The following OCA2 variants were observed in gnomAD, a reference collection of about 807,000 sequenced individuals.
OCA2 encodes the protein P protein.
OCA2 carries 77 observed loss-of-function variants against 100.2 expected under a neutral mutation model. The observed-to-expected ratio is 0.77, with a 90% CI of 0.64 to 0.93. The LOEUF is 0.93. OCA2 is among the 40% of genes least tolerant of loss of function. OCA2 has a pLI of 0.00. For synonymous variants in OCA2, 432 were observed against 439.2 expected (o/e 0.98, Z 0.21); for missense variants, 1,062 against 1,089.1 (o/e 0.98, Z 0.35).
chr15:27,731,951 T>C, the OCA2 span, among the ~76,000 whole-genome samples: 1 of 152,236 alleles, frequency 6.6e-6, no homozygotes, highest in Admixed American at 6.5e-5. Flanking sequence ...TTAATCACTT[T>C]TGGCTCAGCT....
intron 1 of OCA2, among the ~76,000 whole-genome samples, chr15:28,082,199 G>A (rs2044659312): frequency 6.6e-6 from 1 of 152,118 alleles, no homozygotes; most frequent in Non-Finnish European, 1.5e-5. Flanking sequence ...GGACCAATCA[G>A]CACTCTGTAC....
At chr15:27,741,579 C>G in the OCA2 span, among the ~76,000 whole-genome samples, 2 of 152,106 alleles carry the variant, frequency 1.3e-5, no homozygotes, top group Non-Finnish European at 2.9e-5. Flanking sequence ...AATGTTTTGT[C>G]CAGATTGAGG....
intron 21 of OCA2, among the ~76,000 whole-genome samples, chr15:27,870,363 C>T (rs1045935363): frequency 1.3e-5 from 2 of 152,204 alleles, no homozygotes; most frequent in African/African-American, 4.8e-5. Flanking sequence ...TGTGAGAGGA[C>T]CCCAGAGACT....
chr15:27,870,675 GGAAGGAAA>G (rs1445272332), intron 21 of OCA2, among the ~76,000 whole-genome samples: 467 of 18,168 alleles, frequency 0.026, 5 homozygotes, highest in African/African-American at 0.061. Context: ...AAGGAAGGAA[GGAAGGAAA>G]GAAGGAAGGA....
In OCA2 at chr15:27,755,408, C is replaced by T. The variant is rs200396611; in HGVS notation, c.2497G>A (p.Val833Met). Residue 833 changes from valine (V) to methionine (M), a missense_variant, in exon 24 of 24, where the codon GTG (valine) becomes ATG (methionine). Val to Met is a conservative substitution (Grantham distance 21). Coordinates refer to ENST00000354638, the MANE Select transcript of OCA2 (RefSeq NM_000275.3). ...VGMCYLLVAHVVVGWN is the reference protein window; with the variant it reads ...VGMCYLLVAHMVVGWN ...GTCTATTAATTCCATCCCACCACCA[C>T]ATGAGCCACAAGGAGATAACACATC... 6.9e-5 allele frequency: 112 copies of T among 1,613,480 alleles called. 1 individual carries two copies. The highest frequency in any genetic ancestry group is 1.6e-4 in the Middle Eastern group (1 of 6,084).
chr15:27,949,082 A>G (rs866838688), intron 18 of OCA2, among the ~76,000 whole-genome samples: 4 of 150,524 alleles, frequency 2.7e-5, no homozygotes, highest in Admixed American at 1.3e-4. Flanking sequence ...TTGCTCTATG[A>G]TAATAAAAAA....
rs201838888 is a variant in OCA2, at chr15:28,029,003, GA to G, written c.327-945del. 5.3e-3 allele frequency among the ~76,000 whole-genome samples: 813 copies of G among 152,260 alleles called. 2 individuals carry two copies. Among genetic ancestry groups the G allele is most frequent in the Non-Finnish European group, 7.9e-3 (536 of 68,016 alleles). On this transcript the variant is annotated intron_variant, in intron 3 of 23. Coordinates refer to ENST00000354638, the MANE Select transcript of OCA2 (RefSeq NM_000275.3). ...ACAGAGCCTCCATTTACTTTTGGTT[GA>G]ATCCCTGACCTGATCAGTTCCTTCA...
At chr15:28,081,023 C>G (rs185331523) in intron 2 of OCA2, among the ~76,000 whole-genome samples, 1 of 152,080 alleles carries the variant, frequency 6.6e-6, no homozygotes, top group Non-Finnish European at 1.5e-5. Context: ...CATATTCTCA[C>G]GACAAGTGGG....
intron 2 of OCA2, among the ~76,000 whole-genome samples, chr15:28,039,446 C>A (rs1018469606): frequency 6.6e-6 from 1 of 152,156 alleles, no homozygotes; most frequent in Non-Finnish European, 1.5e-5. Context: ...TACAAAGTAT[C>A]TTTTCCAATC....
At chr15:27,882,197 A>T (rs750404228) in intron 19 of OCA2, among the ~76,000 whole-genome samples, 1 of 152,048 alleles carries the variant, frequency 6.6e-6, no homozygotes, top group Non-Finnish European at 1.5e-5. Flanking sequence ...CTTCAGTGAA[A>T]CTCCAATTTT....
chr15:27,921,662 G>A (rs892928733), intron 19 of OCA2, among the ~76,000 whole-genome samples: 1 of 152,170 alleles, frequency 6.6e-6, no homozygotes, highest in African/African-American at 2.4e-5. Flanking sequence ...TATTGACTGG[G>A]AGCCTTACCA....
intron 16 of OCA2, among the ~76,000 whole-genome samples, chr15:27,955,681 A>G (rs1456445279): frequency 2.0e-5 from 3 of 151,498 alleles, no homozygotes; most frequent in Admixed American, 6.6e-5. Flanking sequence ...TTTTTTATCA[A>G]TCGATGATCA....
chr15:27,743,709 C>G, the OCA2 span, among the ~76,000 whole-genome samples: 6 of 152,194 alleles, frequency 3.9e-5, no homozygotes, highest in Non-Finnish European at 8.8e-5. Flanking sequence ...GGGTTTCGAT[C>G]AAATATCCTT....
chr15:27,745,489 G>T, the OCA2 span, among the ~76,000 whole-genome samples: 1 of 152,138 alleles, frequency 6.6e-6, no homozygotes, highest in Non-Finnish European at 1.5e-5. Flanking sequence ...ACCTCTAGCG[G>T]CTAGAAATAC....
the OCA2 span, among the ~76,000 whole-genome samples, chr15:27,741,038 A>G: frequency 6.6e-6 from 1 of 152,372 alleles, no homozygotes; most frequent in South Asian, 2.1e-4. Context: ...GGATAACAGC[A>G]GGGTGAGTGA....
At chr15:27,830,077 T>C (rs1019487096) in intron 23 of OCA2, among the ~76,000 whole-genome samples, 1 of 152,190 alleles carries the variant, frequency 6.6e-6, no homozygotes, top group African/African-American at 2.4e-5. Flanking sequence ...GTAATTCATA[T>C]AAAAATATAA....
intron 23 of OCA2, among the ~76,000 whole-genome samples, chr15:27,809,522 C>A (rs1467419686): frequency 6.6e-6 from 1 of 152,146 alleles, no homozygotes; most frequent in Non-Finnish European, 1.5e-5. Flanking sequence ...ATAGCCAGAG[C>A]AATCAGGCAA....
At chr15:28,012,016 G>A (rs1262780252) in intron 9 of OCA2, among the ~76,000 whole-genome samples, 3 of 148,010 alleles carry the variant, frequency 2.0e-5, no homozygotes, top group South Asian at 2.1e-4. Context: ...ACTAGACTAA[G>A]AGAAAATATT....
At chr15:27,963,373 A>C (rs1469532734) in intron 15 of OCA2, among the ~76,000 whole-genome samples, 1 of 152,228 alleles carries the variant, frequency 6.6e-6, no homozygotes, top group Non-Finnish European at 1.5e-5. Flanking sequence ...ACAAAGGTAG[A>C]CCACATTCTA....
Sources: allele counts gnomAD v4.1 joint callset (sites outside exome capture counted in the v4.1 genomes callset), GRCh38; gene constraint gnomAD v4.1.1; transcripts MANE v1.5; gene names NCBI Gene and HGNC (gene_info 2026-07-23, HGNC 2026-07-21).